Variants in BCAT1 observed in about 807,000 individuals in gnomAD.
The protein encoded by BCAT1 is branched-chain-amino-acid aminotransferase, cytosolic.
Under a neutral mutation model 52.4 loss-of-function variants are expected in BCAT1, and 48 were observed. The ratio of observed to expected loss-of-function variants is 0.92; its 90% CI spans 0.73 to 1.16. The LOEUF (loss-of-function observed/expected upper bound fraction) is 1.16. BCAT1 is among the 50% of genes most tolerant of loss of function. The probability of loss-of-function intolerance (pLI) is 0.00; values close to 1 mark genes in which losing one functional copy is unlikely to be tolerated. For missense variants in BCAT1, 451 were observed against 457.1 expected (o/e 0.99, Z 0.12); for synonymous variants, 167 against 161.3 (o/e 1.04, Z -0.27).
chr12:24,852,834 A>T (rs1485380465), intron 5 of BCAT1, among the ~76,000 whole-genome samples: 1 of 152,212 alleles, frequency 6.6e-6, no homozygotes, highest in Non-Finnish European at 1.5e-5. Flanking sequence ...CAAGTACTTC[A>T]AGTACTGGTG....
chr12:24,928,462 T>C (rs1250035319), intron 1 of BCAT1, among the ~76,000 whole-genome samples: 1 of 151,726 alleles, frequency 6.6e-6, no homozygotes, highest in African/African-American at 2.4e-5. Flanking sequence ...AAAAGGGGGA[T>C]CTGGTCTCTA....
At chr12:24,944,909 G>A (rs1002338574) in intron 1 of BCAT1, among the ~76,000 whole-genome samples, 1 of 151,940 alleles carries the variant, frequency 6.6e-6, no homozygotes, top group Non-Finnish European at 1.5e-5. Flanking sequence ...GGACATAACT[G>A]TCTCTTTCTT....
intron 6 of BCAT1, among the ~76,000 whole-genome samples, chr12:24,847,365 A>G (rs891907680): frequency 1.3e-5 from 2 of 152,206 alleles, no homozygotes; most frequent in African/African-American, 4.8e-5. Flanking sequence ...CCACATTGAC[A>G]TACCATTATC....
chr12:24,834,321 T>C, intron 8 of BCAT1: 2 of 985,362 alleles, frequency 2.0e-6, no homozygotes, highest in Non-Finnish European at 2.4e-6. Flanking sequence ...TTCAGTTGAT[T>C]TTCATCATGG....
chr12:24,941,289 G>A (rs1943844655), intron 1 of BCAT1, among the ~76,000 whole-genome samples: 1 of 152,124 alleles, frequency 6.6e-6, no homozygotes, highest in Non-Finnish European at 1.5e-5. Context: ...TTTGGCAATG[G>A]GCATTAAGCT....
At chr12:24,824,518 T>C (rs1012546947) in intron 10 of BCAT1, among the ~76,000 whole-genome samples, 11 of 152,176 alleles carry the variant, frequency 7.2e-5, no homozygotes, top group Non-Finnish European at 1.2e-4. Context: ...TAGGCTCGTC[T>C]TGAAGTACTA....
At chr12:24,929,371 T>C (rs1309127006) in intron 1 of BCAT1, among the ~76,000 whole-genome samples, 6 of 152,214 alleles carry the variant, frequency 3.9e-5, no homozygotes, top group Admixed American at 3.9e-4. Context: ...TTTTTCAGCA[T>C]TGGAGCTCAG....
intron 8 of BCAT1, among the ~76,000 whole-genome samples, chr12:24,835,594 TA>T (rs199925220): frequency 0.088 from 12,743 of 145,216 alleles, 674 homozygotes; most frequent in Non-Finnish European, 0.12. Flanking sequence ...TTTATTTATT[TA>T]ATTTACTTTT....
chr12:24,942,698 G>T (rs1224063069), intron 1 of BCAT1, among the ~76,000 whole-genome samples: 7 of 152,188 alleles, frequency 4.6e-5, no homozygotes, highest in Non-Finnish European at 8.8e-5. Flanking sequence ...TAAGTGGGAA[G>T]TAGGAAGGCT....
intron 3 of BCAT1, among the ~76,000 whole-genome samples, chr12:24,890,465 C>T (rs1488249433): frequency 6.6e-6 from 1 of 152,140 alleles, no homozygotes; most frequent in African/African-American, 2.4e-5. Flanking sequence ...ACTGATAAAA[C>T]AAGATGTGGT....
In BCAT1 at chr12:24,813,457, G is replaced by GA. The variant is rs1191240765; in HGVS notation, c.*4550dup. 6.6e-6 allele frequency: 1 copy of GA among 151,960 alleles called. No individual in the cohort carries two copies. Among genetic ancestry groups the GA allele is most frequent in the Non-Finnish European group, 1.5e-5 (1 of 67,896 alleles). The allele number at this position is 151,960 out of a possible 1,614,324, so 9.4% of individuals were successfully genotyped here. A position where few individuals can be genotyped will look rare whatever the true frequency, so the allele number is the denominator to read the frequency against. ...CATGGTTCATAATAGATATTTTCTA[G>GA]AAAAATTCACTCTAGGATCATTTTC... is the stretch of plus-strand genomic sequence containing the variant. On this transcript the variant is annotated 3_prime_UTR_variant, in exon 11 of 11. Transcript: ENST00000261192.
At chr12:24,856,673 G>T (rs1417933330) in intron 5 of BCAT1, among the ~76,000 whole-genome samples, 2 of 152,170 alleles carry the variant, frequency 1.3e-5, no homozygotes, top group African/African-American at 4.8e-5. Context: ...TGGACTTCTA[G>T]ACTTTGGAGC....
At chr12:24,838,632 G>A (rs1302103461) in intron 7 of BCAT1, among the ~76,000 whole-genome samples, 2 of 152,142 alleles carry the variant, frequency 1.3e-5, no homozygotes, top group African/African-American at 4.8e-5. Flanking sequence ...GTGCTGTTTT[G>A]TGAAACATGT....
rs76074677 is a variant in BCAT1, at chr12:24,914,436, G to A, written c.7-12551C>T. Among the ~76,000 whole-genome samples the A allele has an allele frequency of 6.3e-3, 959 of 152,238 alleles. 14 individuals carry two copies. The highest frequency in any genetic ancestry group is 0.022 in the African/African-American group (915 of 41,544). ...AGTCTTGCAGTCGTGAGAACAGGCC[G>A]CTCCAATTAAACGGTTAACAGTTAT... On this transcript the variant is annotated intron_variant, in intron 1 of 10. Coordinates refer to ENST00000261192, the MANE Select transcript of BCAT1 (RefSeq NM_005504.7).
chr12:24,874,527 A>G (rs1475155440), intron 5 of BCAT1, among the ~76,000 whole-genome samples: 1 of 152,266 alleles, frequency 6.6e-6, no homozygotes, highest in Admixed American at 6.5e-5. Flanking sequence ...CAACACTGCC[A>G]TTAGGATGAA....
chr12:24,902,173 T>A, intron 1 of BCAT1: 2 of 1,434,254 alleles, frequency 1.4e-6, no homozygotes, highest in Non-Finnish European at 1.8e-6. Context: ...GAGCCAGGGT[T>A]CGCCGGCAAA....
chr12:24,900,335 C>T (rs149743646), intron 2 of BCAT1, among the ~76,000 whole-genome samples: 2 of 152,270 alleles, frequency 1.3e-5, no homozygotes, highest in Non-Finnish European at 2.9e-5. Context: ...GCCTGTGACC[C>T]AGCATTTTGG....
chr12:24,935,802 C>T (rs184547989), intron 1 of BCAT1, among the ~76,000 whole-genome samples: 22 of 152,252 alleles, frequency 1.4e-4, no homozygotes, highest in African/African-American at 5.3e-4. Context: ...AGACACAATT[C>T]CACAGTTTCA....
intron 1 of BCAT1, among the ~76,000 whole-genome samples, chr12:24,929,886 C>G (rs1943652958): frequency 6.6e-6 from 1 of 152,184 alleles, no homozygotes; most frequent in Non-Finnish European, 1.5e-5. Context: ...GTCTTTTCTC[C>G]TATTTATCTT....
Sources: gnomAD v4.1 joint callset for allele counts (sites outside exome capture counted in the v4.1 genomes callset) on GRCh38, gnomAD v4.1.1 for gene constraint, MANE v1.5 for transcripts, NCBI Gene and HGNC (gene_info 2026-07-23, HGNC 2026-07-21) for gene names.